SMOC1: variants seen among roughly 807,000 people sequenced by gnomAD.
SMOC1 encodes the protein SPARC related modular calcium binding 1.
In SMOC1, 22 loss-of-function variants were observed where a neutral mutation model predicts 56.3. The observed-to-expected ratio is 0.39, with a 90% CI of 0.28 to 0.56. SMOC1 has a LOEUF of 0.56. Among genes scored for constraint, SMOC1 ranks in the 20% least tolerant of loss-of-function variants. The probability of loss-of-function intolerance (pLI) is 0.61; values close to 1 mark genes in which losing one functional copy is unlikely to be tolerated. For missense variants in SMOC1, 509 were observed against 565.4 expected, an observed-to-expected ratio of 0.90 and a Z score of 1.01; for synonymous variants, 193 against 215.0, an observed-to-expected ratio of 0.90 and a Z score of 0.89.
At chr14:69,936,622 T>C (rs1384680894) in intron 1 of SMOC1, among the ~76,000 whole-genome samples, 1 of 152,230 alleles carries the variant, frequency 6.6e-6, no homozygotes, top group Non-Finnish European at 1.5e-5. Context: ...CAGCGTTGGA[T>C]GCTTTTGAGG....
chr14:69,953,587 G>A lies in SMOC1; in HGVS notation c.378+55G>A. On this transcript the variant is annotated intron_variant, in intron 3 of 11. Transcript: ENST00000361956. ...TTTCCTGGACCGAGGCAGAGGGGAG[G>A]TGTCCCGAGAGCGCGAGGGCTGCTT... 2.0e-6 allele frequency: 3 copies of A among 1,499,190 alleles called. No individual in the cohort carries two copies. The Admixed American group carries it at 5.0e-5, about 25-fold the overall frequency. The allele number at this position is 1,499,190 out of a possible 1,614,324, so 92.9% of individuals were successfully genotyped here. A position where few individuals can be genotyped will look rare whatever the true frequency, so the allele number is the denominator to read the frequency against.
At chr14:69,968,577 C>G (rs543794449) in intron 3 of SMOC1, among the ~76,000 whole-genome samples, 5 of 152,156 alleles carry the variant, frequency 3.3e-5, no homozygotes, top group African/African-American at 1.2e-4. Flanking sequence ...TGACATGAAG[C>G]CATCAGTAGG....
At chr14:69,903,451 G>T (rs1377774123) in intron 1 of SMOC1, among the ~76,000 whole-genome samples, 1 of 152,252 alleles carries the variant, frequency 6.6e-6, no homozygotes, top group African/African-American at 2.4e-5. Flanking sequence ...TGGCGGTTTT[G>T]TCGAATAGAA....
chr14:69,978,135 C>A, intron 5 of SMOC1, 170 bp downstream of exon 5: 2 of 688,016 alleles, frequency 2.9e-6, no homozygotes, highest in Non-Finnish European at 2.7e-6. Flanking sequence ...GTAAGTAAGG[C>A]TCATACAGTG....
chr14:70,009,818 C>CT (rs905610969), intron 7 of SMOC1, among the ~76,000 whole-genome samples: 2 of 152,010 alleles, frequency 1.3e-5, no homozygotes, highest in Admixed American at 6.6e-5. Flanking sequence ...TTTCCACTTT[C>CT]TTTTTTAAAA....
intron 7 of SMOC1, among the ~76,000 whole-genome samples, chr14:69,999,784 C>T (rs911959092): frequency 1.3e-5 from 2 of 152,130 alleles, no homozygotes; most frequent in Admixed American, 6.5e-5. Context: ...GAAGCCTAGC[C>T]GCACAGTCCA....
intron 1 of SMOC1, among the ~76,000 whole-genome samples, chr14:69,902,880 A>G (rs1016125118): frequency 2.6e-5 from 4 of 151,860 alleles, no homozygotes; most frequent in South Asian, 2.1e-4. Flanking sequence ...TCGGCCTCCC[A>G]AGGTGCCGGG....
chr14:70,012,673 C>T (rs1885382631), intron 9 of SMOC1, among the ~76,000 whole-genome samples: 3 of 152,202 alleles, frequency 2.0e-5, no homozygotes, highest in East Asian at 1.9e-4. Context: ...TGCTGGTGAT[C>T]GTGACTTTAT....
intron 10 of SMOC1, among the ~76,000 whole-genome samples, chr14:70,018,771 C>T (rs1322397492): frequency 6.6e-6 from 1 of 152,228 alleles, no homozygotes; most frequent in Non-Finnish European, 1.5e-5. Context: ...ACGTGGTCCC[C>T]TGAGGGGAGA....
Position 69,976,881 on chromosome 14 carries a change from A to T in SMOC1, c.479-1037A>T, listed in dbSNP as rs553205340. Reference sequence around the variant, plus strand: ...CTTTTTCTACTTGCTCTGTTACATGAAGGAAAAAGAAAGTGGAAAGGGCTA... The same window carrying T: ...CTTTTTCTACTTGCTCTGTTACATGTAGGAAAAAGAAAGTGGAAAGGGCTA... On this transcript the variant is annotated intron_variant, in intron 4 of 11. Coordinates refer to ENST00000361956, the MANE Select transcript of SMOC1 (RefSeq NM_001034852.3). Among the ~76,000 whole-genome samples the T allele has an allele frequency of 3.9e-5, 6 of 152,312 alleles. No homozygotes were observed. In the East Asian group the frequency reaches 1.2e-3, roughly 29 times the overall value.
intron 1 of SMOC1, among the ~76,000 whole-genome samples, chr14:69,918,747 C>T (rs1047432167): frequency 5.9e-5 from 9 of 152,096 alleles, no homozygotes; most frequent in Non-Finnish European, 8.8e-5. Context: ...AAAAAACTTG[C>T]CATTATTATT....
Position 69,899,967 on chromosome 14 carries a change from G to A in SMOC1, c.99+20190G>A, listed in dbSNP as rs188077057. Among the ~76,000 whole-genome samples, 472 of 152,302 alleles carry A rather than the reference G, an allele frequency of 3.1e-3. 2 individuals carry two copies. The highest frequency in any genetic ancestry group is 0.011 in the African/African-American group (441 of 41,556). ...TTTGCCATGTGAAATGAGAATTGTT[G>A]ATTTTCAGTTTGTTCAGCTTTTTAC... is the stretch of plus-strand genomic sequence containing the variant. On this transcript the variant is annotated intron_variant, in intron 1 of 11. Coordinates refer to ENST00000361956, the MANE Select transcript of SMOC1 (RefSeq NM_001034852.3).
chr14:69,958,394 A>G (rs561436728), intron 3 of SMOC1, among the ~76,000 whole-genome samples: 46 of 152,368 alleles, frequency 3.0e-4, no homozygotes, highest in Non-Finnish European at 6.3e-4. Flanking sequence ...AATGTGGGCA[A>G]GAGATAGCAA....
At chr14:69,894,472 C>T (rs370013218) in intron 1 of SMOC1, among the ~76,000 whole-genome samples, 5 of 152,296 alleles carry the variant, frequency 3.3e-5, no homozygotes, top group African/African-American at 9.6e-5. Context: ...ATCACTGTGG[C>T]AGCGGTGGGA....
chr14:69,893,825 T>C (rs1958080), intron 1 of SMOC1, among the ~76,000 whole-genome samples: 16,207 of 152,204 alleles, frequency 0.11, 1,108 homozygotes, highest in African/African-American at 0.19. Flanking sequence ...TATTTGGAGA[T>C]AGGGCCTTGA....
chr14:69,942,762 A>G lies in SMOC1; in HGVS notation c.100-9376A>G, dbSNP rs999766554. Reference sequence around the variant, plus strand: ...GGGCCTTAACCCTCACTTTATGTGCACCTGCTTTTCTGAAAGATTGAGAAG... The same window carrying G: ...GGGCCTTAACCCTCACTTTATGTGCGCCTGCTTTTCTGAAAGATTGAGAAG... On this transcript the variant is annotated intron_variant, in intron 1 of 11. Coordinates refer to ENST00000361956, the MANE Select transcript of SMOC1 (RefSeq NM_001034852.3). 1.3e-5 allele frequency among the ~76,000 whole-genome samples: 2 copies of G among 152,104 alleles called. 1 individual carries two copies. The highest frequency in any genetic ancestry group is 4.2e-4 in the South Asian group (2 of 4,818).
chr14:69,984,447 A>G (rs532663649), intron 5 of SMOC1, among the ~76,000 whole-genome samples: 2 of 152,360 alleles, frequency 1.3e-5, no homozygotes, highest in Admixed American at 1.3e-4. Flanking sequence ...AGAAAAAACT[A>G]CAGCCTGAGA....
intron 3 of SMOC1, among the ~76,000 whole-genome samples, chr14:69,969,266 A>G (rs1883675292): frequency 6.6e-6 from 1 of 152,212 alleles, no homozygotes; most frequent in African/African-American, 2.4e-5. Context: ...TTGCGTTGCT[A>G]TAAAGAAATA....
Position 70,030,596 on chromosome 14 carries a change from G to C in SMOC1, c.*338G>C, listed in dbSNP as rs930662066. Reference sequence around the variant, plus strand: ...CTGAGAAGAAAGAGATTTATATGCTGTATATAAATATATATGTAAATTGTA... The same window carrying C: ...CTGAGAAGAAAGAGATTTATATGCTCTATATAAATATATATGTAAATTGTA... On this transcript the variant is annotated 3_prime_UTR_variant, in exon 12 of 12. Coordinates refer to ENST00000361956, the MANE Select transcript of SMOC1 (RefSeq NM_001034852.3). The C allele has an allele frequency of 1.2e-5, 4 of 326,414 alleles. No homozygotes were observed. The Admixed American group carries it at 1.3e-4, about 11-fold the overall frequency. 20.2% of individuals were successfully genotyped at this position (326,414 alleles called of 1,614,324 possible). A position where few individuals can be genotyped will look rare whatever the true frequency, so the allele number is the denominator to read the frequency against.
Sources: gnomAD v4.1 joint callset for allele counts (sites outside exome capture counted in the v4.1 genomes callset) on GRCh38, gnomAD v4.1.1 for gene constraint, MANE v1.5 for transcripts, NCBI Gene and HGNC (gene_info 2026-07-23, HGNC 2026-07-21) for gene names.